Variants in FGF12 observed in about 807,000 individuals in gnomAD.
FGF12 encodes the protein fibroblast growth factor 12.
A neutral mutation model predicts 23.6 loss-of-function variants in FGF12; 14 were observed. The observed-to-expected ratio is 0.59, with a 90% CI of 0.39 to 0.93. The LOEUF (loss-of-function observed/expected upper bound fraction) is 0.93, where lower values mean the gene tolerates loss of function less well. FGF12 is among the 40% of genes least tolerant of loss of function. FGF12 has a pLI of 0.00. For synonymous variants in FGF12, 62 were observed against 77.3 expected (o/e 0.80, Z 1.04); for missense variants, 175 against 217.8 (o/e 0.80, Z 1.24).
chr3:192,575,704 A>G (rs1239076332), intron 2 of FGF12, among the ~76,000 whole-genome samples: 2 of 151,590 alleles, frequency 1.3e-5, no homozygotes, highest in Admixed American at 6.6e-5. Context: ...GTTTCTTTCT[A>G]ATTCAGACTG....
chr3:192,435,871 C>T (rs1174054445), intron 2 of FGF12, among the ~76,000 whole-genome samples: 1 of 152,154 alleles, frequency 6.6e-6, no homozygotes, highest in Non-Finnish European at 1.5e-5. Flanking sequence ...TTTTCAGAAG[C>T]ATAAATGATA....
intron 2 of FGF12, among the ~76,000 whole-genome samples, chr3:192,438,985 C>T (rs773258732): frequency 3.9e-5 from 6 of 152,194 alleles, no homozygotes; most frequent in Non-Finnish European, 4.4e-5. Flanking sequence ...GCAACGCTAA[C>T]TCTATGGACC....
intron 2 of FGF12, among the ~76,000 whole-genome samples, chr3:192,573,931 G>T (rs1329370351): frequency 6.6e-6 from 1 of 152,154 alleles, no homozygotes; most frequent in East Asian, 1.9e-4. Context: ...TCAATAATAG[G>T]TTTAACCCAG....
intron 4 of FGF12, among the ~76,000 whole-genome samples, chr3:192,313,804 A>C (rs937867682): frequency 2.0e-5 from 3 of 152,168 alleles, no homozygotes; most frequent in African/African-American, 7.2e-5. Flanking sequence ...TTCTTGCCCT[A>C]AAGTCTTATA....
intron 2 of FGF12, among the ~76,000 whole-genome samples, chr3:192,469,587 G>A (rs530572662): frequency 6.6e-6 from 1 of 152,304 alleles, no homozygotes; most frequent in Admixed American, 6.5e-5. Flanking sequence ...AAGTAGAATT[G>A]TGTAAGATCT....
intron 2 of FGF12, among the ~76,000 whole-genome samples, chr3:192,479,810 A>T (rs529798774): frequency 4.7e-4 from 72 of 152,322 alleles, no homozygotes; most frequent in Non-Finnish European, 4.7e-4. Flanking sequence ...AGAATATTTT[A>T]AAAATTATTA....
chr3:192,177,354 T>C (rs1211756899), intron 4 of FGF12, among the ~76,000 whole-genome samples: 6 of 152,242 alleles, frequency 3.9e-5, no homozygotes, highest in African/African-American at 1.4e-4. Context: ...AACTTTGATA[T>C]TGTAACTTTA....
rs2108775978 is a variant in FGF12, at chr3:192,408,062, G to A, written c.14-47524C>T. 2 of 1,612,840 alleles carry A rather than the reference G, an allele frequency of 1.2e-6. No individual in the cohort carries two copies. Among genetic ancestry groups the A allele is most frequent in the Non-Finnish European group, 8.5e-7 (1 of 1,179,876 alleles). On this transcript the variant is annotated intron_variant, in intron 2 of 5. Transcript: ENST00000445105. The surrounding 1 kb of genome is among the most constrained non-coding windows in gnomAD (Gnocchi z 7.3). ...TCACCGGCCTCTTGCGGCCGCTGCAGAAGCGCACTTTGCTGAACACCCCGA... is the reference window on the plus strand; with the variant it reads ...TCACCGGCCTCTTGCGGCCGCTGCAAAAGCGCACTTTGCTGAACACCCCGA...
chr3:192,387,504 T>C (rs1720093886), intron 2 of FGF12, among the ~76,000 whole-genome samples: 1 of 152,116 alleles, frequency 6.6e-6, no homozygotes, highest in Non-Finnish European at 1.5e-5. Flanking sequence ...TTTCTTTTTA[T>C]TACTAATTTC....
intron 2 of FGF12, among the ~76,000 whole-genome samples, chr3:192,462,958 T>C (rs1722905320): frequency 6.6e-6 from 1 of 152,134 alleles, no homozygotes; most frequent in South Asian, 2.1e-4. Context: ...TACGAAGAGT[T>C]TGTGGGGATA....
intron 2 of FGF12, among the ~76,000 whole-genome samples, chr3:192,654,834 T>C (rs761050913): frequency 6.6e-5 from 10 of 152,136 alleles, no homozygotes; most frequent in South Asian, 2.1e-4. Context: ...GATATTTCTC[T>C]GATAAATGCT....
At chr3:192,361,109 C>G (rs1024840544) in intron 2 of FGF12, among the ~76,000 whole-genome samples, 14 of 145,492 alleles carry the variant, frequency 9.6e-5, no homozygotes, top group African/African-American at 3.7e-4. Flanking sequence ...GCAAATTTCA[C>G]CTTCACTAAA....
intron 2 of FGF12, among the ~76,000 whole-genome samples, chr3:192,579,602 C>T (rs1039457994): frequency 6.6e-6 from 1 of 152,100 alleles, no homozygotes; most frequent in African/African-American, 2.4e-5. Context: ...CACCCAGGTT[C>T]GAGTGCAGTG....
chr3:192,245,048 G>C (rs539740693), intron 4 of FGF12: 1 of 147,566 alleles, frequency 6.8e-6, no homozygotes, highest in Non-Finnish European at 1.5e-5. Context: ...AGAAATAATC[G>C]TGCATTTGCA....
chr3:192,187,222 T>C (rs189603445), intron 4 of FGF12, among the ~76,000 whole-genome samples: 1 of 152,308 alleles, frequency 6.6e-6, no homozygotes, highest in African/African-American at 2.4e-5. Flanking sequence ...CAGAACAATA[T>C]GTGAAGGAGA....
At chr3:192,187,611 G>A (rs1049865800) in intron 4 of FGF12, among the ~76,000 whole-genome samples, 3 of 152,200 alleles carry the variant, frequency 2.0e-5, no homozygotes, top group Non-Finnish European at 4.4e-5. Context: ...GCCATACTGT[G>A]AGGTATAAGA....
chr3:192,444,463 T>G (rs1275054959), intron 2 of FGF12, among the ~76,000 whole-genome samples: 3 of 152,214 alleles, frequency 2.0e-5, no homozygotes, highest in Non-Finnish European at 4.4e-5. Context: ...TTCTTCTAGT[T>G]AGCCAATTGA....
Position 192,190,289 on chromosome 3 carries a change from A to C in FGF12, c.229-19633T>G, listed in dbSNP as rs115584746. Among the ~76,000 whole-genome samples, 1,419 of 152,176 alleles carry C rather than the reference A, an allele frequency of 9.3e-3. 24 individuals carry two copies. Among genetic ancestry groups the C allele is most frequent in the African/African-American group, 0.032 (1,349 of 41,536 alleles). ...TAGTATGAAGTTTTATGTTTCAAAAATTCCTTATGTTTCAAAAACTATTTT... is the reference window on the plus strand; with the variant it reads ...TAGTATGAAGTTTTATGTTTCAAAACTTCCTTATGTTTCAAAAACTATTTT... On this transcript the variant is annotated intron_variant, in intron 4 of 5. Coordinates refer to ENST00000445105, the MANE Select transcript of FGF12 (RefSeq NM_004113.6).
chr3:192,387,647 G>C (rs1428636852), intron 2 of FGF12, among the ~76,000 whole-genome samples: 2 of 150,778 alleles, frequency 1.3e-5, no homozygotes, highest in Admixed American at 6.6e-5. Context: ...AGGAGTTGAA[G>C]ATCAGCCTGG....
Sources: allele counts gnomAD v4.1 joint callset (sites outside exome capture counted in the v4.1 genomes callset), GRCh38; gene constraint gnomAD v4.1.1; non-coding constraint Gnocchi (gnomAD v3.1); transcripts MANE v1.5; gene names NCBI Gene and HGNC (gene_info 2026-07-23, HGNC 2026-07-21).